The following ABCC4 variants were observed in gnomAD, a reference collection of about 807,000 sequenced individuals.
ABCC4 encodes the protein ATP-binding cassette sub-family C member 4.
In ABCC4, 102 loss-of-function variants were observed where a neutral mutation model predicts 168.5. The ratio of observed to expected loss-of-function variants is 0.61; its 90% CI spans 0.52 to 0.71. ABCC4 has a LOEUF of 0.71. Ranked by LOEUF, ABCC4 falls within the 30% of genes least tolerant of loss-of-function variation. The pLI, the probability that ABCC4 is intolerant of heterozygous loss-of-function variation, is 0.00. For missense variants in ABCC4, 1,402 were observed against 1,605.8 expected (o/e 0.87, Z 2.17); for synonymous variants, 617 against 590.7 (o/e 1.04, Z -0.65).
intron 27 of ABCC4, 81 bp from the exon 28 acceptor site, chr13:95,044,519 C>T: frequency 7.9e-7 from 1 of 1,258,084 alleles, no homozygotes; most frequent in Non-Finnish European, 1.1e-6. Context: ...TTAGAACCTT[C>T]AAGTCCCTTC....
chr13:95,286,513 T>A lies in ABCC4; in HGVS notation c.74+14728A>T, dbSNP rs555828681. ...GCCCACTTCTGAGTATGAATTAAATTTCCCTTTGTGGCCTTTGTTTTTTTA... is the reference window on the plus strand; with the variant it reads ...GCCCACTTCTGAGTATGAATTAAATATCCCTTTGTGGCCTTTGTTTTTTTA... On this transcript the variant is annotated intron_variant, in intron 1 of 30. Transcript: ENST00000645237. Among the ~76,000 whole-genome samples, 6 of 142,272 alleles carry A rather than the reference T, an allele frequency of 4.2e-5. No homozygotes were observed. The South Asian group carries it at 1.4e-3, about 33-fold the overall frequency. 93.3% of individuals were successfully genotyped at this position (142,272 alleles called of 152,430 possible). A position where few individuals can be genotyped will look rare whatever the true frequency, so the allele number is the denominator to read the frequency against.
chr13:95,112,084 G>A (rs139012300), intron 20 of ABCC4, among the ~76,000 whole-genome samples: 45 of 152,298 alleles, frequency 3.0e-4, no homozygotes, highest in African/African-American at 9.1e-4. Flanking sequence ...CAGGTGCAGT[G>A]GCTCATGCCT....
intron 29 of ABCC4, among the ~76,000 whole-genome samples, chr13:95,038,888 G>T (rs931931229): frequency 1.3e-5 from 2 of 152,170 alleles, no homozygotes; most frequent in African/African-American, 4.8e-5. Context: ...AGGGATGCTA[G>T]GATTCAGGCT....
chr13:95,030,702 G>A (rs1183773442), intron 30 of ABCC4, among the ~76,000 whole-genome samples: 1 of 152,072 alleles, frequency 6.6e-6, no homozygotes, highest in Non-Finnish European at 1.5e-5. Context: ...AAGGAGAGAG[G>A]CCTCAGAAGA....
chr13:95,067,495 A>G (rs2033588409), intron 25 of ABCC4, among the ~76,000 whole-genome samples: 1 of 152,092 alleles, frequency 6.6e-6, no homozygotes, highest in Non-Finnish European at 1.5e-5. Flanking sequence ...ACCGGAGAGC[A>G]ACGGCTTTAA....
chr13:95,210,960 T>C (rs1374437800), intron 4 of ABCC4, among the ~76,000 whole-genome samples, 179 bp from the exon 5 acceptor site: 1 of 149,614 alleles, frequency 6.7e-6, no homozygotes, highest in African/African-American at 2.5e-5. Flanking sequence ...GTGGCAGCTG[T>C]GTCAGGACAG....
chr13:95,062,509 G>GAC (rs1566382600), intron 26 of ABCC4, among the ~76,000 whole-genome samples, 195 bp downstream of exon 26: 1 of 147,386 alleles, frequency 6.8e-6, no homozygotes, highest in Non-Finnish European at 1.5e-5. Flanking sequence ...CACACACACA[G>GAC]AGAGAGAGAG....
chr13:95,204,469 G>A (rs1261330707), intron 8 of ABCC4, among the ~76,000 whole-genome samples: 2 of 152,096 alleles, frequency 1.3e-5, no homozygotes, highest in East Asian at 3.9e-4. Flanking sequence ...TCTAGTGATA[G>A]TGAGTTCTCA....
Position 95,163,639 on chromosome 13 carries a change from A to G in ABCC4, c.2184T>C (p.Tyr728=). 6.2e-7 allele frequency: 1 copy of G among 1,612,088 alleles called. No homozygotes were observed. The highest frequency in any genetic ancestry group is 1.1e-5 in the South Asian group (1 of 90,778). The change falls in exon 17 of 31, where the codon TAT becomes TAC. Residue 728 remains tyrosine, a synonymous_variant. Transcript: ENST00000645237. The part of the protein sequence containing the change: ...ILLNTAAQVA[Y]VLQDWWLSYW... ...ATGAAAGCCACCAATCTTGAAGCAC[A>G]TAGGCAACCTAGGAGGGGAGAAACA...
At chr13:95,101,681 G>T (rs1462787902) in intron 20 of ABCC4, among the ~76,000 whole-genome samples, 6 of 152,092 alleles carry the variant, frequency 3.9e-5, no homozygotes, top group Non-Finnish European at 5.9e-5. Context: ...GTTATTATGA[G>T]ATATTTAGTG....
rs7324581 is a variant in ABCC4 at position 95,232,134 on chromosome 13, G to A, written c.531+2476C>T. ...GCTGCTGCTGCTGATGATGATGGTG[G>A]TGGTGGTGGTGGTGGTGGTGGTGAT... On this transcript the variant is annotated intron_variant, in intron 4 of 30. Coordinates refer to ENST00000645237, the MANE Select transcript of ABCC4 (RefSeq NM_005845.5). Among the ~76,000 whole-genome samples the A allele has an allele frequency of 2.2e-3, 127 of 57,532 alleles. 1 individual carries two copies. The highest frequency in any genetic ancestry group is 8.5e-3 in the Middle Eastern group (1 of 118). The allele number at this position is 57,532 out of a possible 152,430, so 37.7% of individuals were successfully genotyped here.
chr13:95,283,167 G>A (rs1446107411), intron 1 of ABCC4, among the ~76,000 whole-genome samples: 1 of 148,840 alleles, frequency 6.7e-6, no homozygotes, highest in Admixed American at 6.7e-5. Context: ...AGTGAGCTGA[G>A]ATAGCGCCAC....
intron 4 of ABCC4, among the ~76,000 whole-genome samples, chr13:95,218,995 G>A (rs13378345): frequency 0.37 from 18,261 of 49,248 alleles, 2,666 homozygotes; most frequent in Non-Finnish European, 0.44. Context: ...GAGTGAGAAA[G>A]AAAGAAAGAG....
At chr13:95,196,516 TCCAGCCTGGG>T (rs2038420254) in intron 8 of ABCC4, among the ~76,000 whole-genome samples, 1 of 149,108 alleles carries the variant, frequency 6.7e-6, no homozygotes, top group South Asian at 2.1e-4. Context: ...CTCATTGCAC[TCCAGCCTGGG>T]CAATAGTGCA....
At chr13:95,175,430 A>G (rs1483916759) in intron 13 of ABCC4, among the ~76,000 whole-genome samples, 1 of 152,120 alleles carries the variant, frequency 6.6e-6, no homozygotes, top group Non-Finnish European at 1.5e-5. Flanking sequence ...CTCCTGCCTC[A>G]GCCTCCAGAG....
intron 10 of ABCC4, among the ~76,000 whole-genome samples, chr13:95,188,063 C>T (rs2038125356): frequency 6.6e-6 from 1 of 152,184 alleles, no homozygotes; most frequent in South Asian, 2.1e-4. Context: ...GAAGTCATAT[C>T]AAAACATGTT....
At chr13:95,171,902 C>A (rs919014217) in intron 13 of ABCC4, among the ~76,000 whole-genome samples, 1 of 152,102 alleles carries the variant, frequency 6.6e-6, no homozygotes, top group African/African-American at 2.4e-5. Context: ...AGTACTTATA[C>A]CCCTCTTCAG....
In ABCC4 at chr13:95,273,821, T is replaced by G. The variant is rs1472199962; in HGVS notation, c.75-26068A>C. Among the ~76,000 whole-genome samples, 27 of 149,904 alleles carry G rather than the reference T, an allele frequency of 1.8e-4. No homozygotes were observed. In the East Asian group the frequency reaches 4.5e-3, roughly 25 times the overall value. On this transcript the variant is annotated intron_variant, in intron 1 of 30. Coordinates refer to ENST00000645237, the MANE Select transcript of ABCC4 (RefSeq NM_005845.5). ...ATGGGTTTTTTTTTTGGTTTGTTTTTTTTTTTTTTTTTTTGAGACGGAGTC... is the reference window on the plus strand; with the variant it reads ...ATGGGTTTTTTTTTTGGTTTGTTTTGTTTTTTTTTTTTTTGAGACGGAGTC...
chr13:95,255,833 C>T (rs190477669), intron 1 of ABCC4, among the ~76,000 whole-genome samples: 11 of 152,258 alleles, frequency 7.2e-5, no homozygotes, highest in Non-Finnish European at 8.8e-5. Context: ...TTTCCTACTA[C>T]GGAGCTTCAA....
Sources: gnomAD v4.1 joint callset for allele counts (sites outside exome capture counted in the v4.1 genomes callset) on GRCh38, gnomAD v4.1.1 for gene constraint, MANE v1.5 for transcripts, NCBI Gene and HGNC (gene_info 2026-07-23, HGNC 2026-07-21) for gene names.